The following TLN2 variants were observed in gnomAD, a reference collection of about 807,000 sequenced individuals.
TLN2 encodes talin-2.
TLN2 carries 118 observed loss-of-function variants against 294.7 expected under a neutral mutation model. The ratio of observed to expected loss-of-function variants is 0.40; its 90% CI spans 0.34 to 0.47. TLN2 has a LOEUF of 0.47. TLN2 is among the 20% of genes least tolerant of loss of function. The pLI is 0.84. For synonymous variants in TLN2, 1,431 were observed against 1,304.5 expected (o/e 1.10, Z -2.09); for missense variants, 3,083 against 3,282.2 (o/e 0.94, Z 1.48).
At chr15:62,663,056 C>A (rs1596554112) in intron 9 of TLN2, among the ~76,000 whole-genome samples, 1 of 152,142 alleles carries the variant, frequency 6.6e-6, no homozygotes, top group South Asian at 2.1e-4. Context: ...ATCTCCTGAT[C>A]CTCCTGCCTC....
At chr15:62,556,027 C>T (rs1020072461) in intron 1 of TLN2, among the ~76,000 whole-genome samples, 4 of 149,492 alleles carry the variant, frequency 2.7e-5, no homozygotes, top group East Asian at 2.0e-4. Flanking sequence ...GTTGACTTAA[C>T]GTTGACTTAG....
intron 1 of TLN2, among the ~76,000 whole-genome samples, chr15:62,546,008 C>T (rs2041974994): frequency 6.6e-6 from 1 of 152,074 alleles, no homozygotes; most frequent in African/African-American, 2.4e-5. Flanking sequence ...GCCAGAAATT[C>T]AGGACATGAG....
chr15:62,503,325 G>A (rs186166866), intron 1 of TLN2, among the ~76,000 whole-genome samples: 1 of 152,178 alleles, frequency 6.6e-6, no homozygotes, highest in Non-Finnish European at 1.5e-5. Flanking sequence ...AACTAACCAC[G>A]TGCAGATACC....
At chr15:62,544,209 TA>T (rs1328839025) in intron 1 of TLN2, among the ~76,000 whole-genome samples, 4 of 152,278 alleles carry the variant, frequency 2.6e-5, no homozygotes, top group South Asian at 2.1e-4. Context: ...CCAGACCTTT[TA>T]AAAAATATTG....
chr15:62,797,229 C>G lies in TLN2; in HGVS notation c.6061C>G (p.Leu2021Val), dbSNP rs1479149562. 1 of 1,614,126 alleles carries G rather than the reference C, an allele frequency of 6.2e-7. No homozygotes were observed. Among genetic ancestry groups the G allele is most frequent in the Admixed American group, 1.7e-5 (1 of 60,028 alleles). The change falls in exon 48 of 59, where the codon CTC (leucine) becomes GTC (valine). Residue 2021 changes from leucine to valine, a missense_variant. Physicochemically the swap from Leu to Val is conservative, Grantham distance 32. Coordinates refer to ENST00000636159, the MANE Select transcript of TLN2 (RefSeq NM_015059.3). ...ETFADHRENI[L>V]KTAKALVEDT... Reference sequence around the variant, plus strand: ...TCCTGGCTCTCTCAGGGAGAACATTCTCAAGACGGCCAAGGCCTTGGTAGA... The same window carrying G: ...TCCTGGCTCTCTCAGGGAGAACATTGTCAAGACGGCCAAGGCCTTGGTAGA...
rs76491082 is a variant in TLN2 at position 62,786,658 on chromosome 15, A to C, written c.5736+2768A>C. On this transcript the variant is annotated intron_variant, in intron 45 of 58. Coordinates refer to ENST00000636159, the MANE Select transcript of TLN2 (RefSeq NM_015059.3). Reference sequence around the variant, plus strand: ...ACTGGATGCCTTAAAAGCTGGCGCAATCATTTGTTAAGATGATTTGTGAGA... The same window carrying C: ...ACTGGATGCCTTAAAAGCTGGCGCACTCATTTGTTAAGATGATTTGTGAGA... 2.7e-3 allele frequency among the ~76,000 whole-genome samples: 400 copies of C among 147,328 alleles called. 6 individuals are homozygous for C. In the East Asian group the frequency reaches 0.041, roughly 15 times the overall value.
At chr15:62,633,791 A>G (rs2140895301) in intron 3 of TLN2, among the ~76,000 whole-genome samples, 1 of 152,338 alleles carries the variant, frequency 6.6e-6, no homozygotes, top group East Asian at 1.9e-4. Flanking sequence ...ACAAAATACC[A>G]CTAACTGGGT....
intron 1 of TLN2, among the ~76,000 whole-genome samples, chr15:62,569,239 A>G (rs2043665812): frequency 6.6e-6 from 1 of 152,104 alleles, no homozygotes; most frequent in Non-Finnish European, 1.5e-5. Context: ...TGCAAATATC[A>G]TTTTCCAAAA....
chr15:62,835,399 G>A (rs2069405078), intron 55 of TLN2: 2 of 324,088 alleles, frequency 6.2e-6, no homozygotes, highest in Admixed American at 9.0e-5. Flanking sequence ...CATATGAAAT[G>A]GAGAAAGCTC....
At chr15:62,770,669 A>G (rs915161083) in intron 41 of TLN2, among the ~76,000 whole-genome samples, 2 of 152,220 alleles carry the variant, frequency 1.3e-5, no homozygotes, top group Non-Finnish European at 2.9e-5. Flanking sequence ...GTTAATTTAT[A>G]GAAATTGACA....
chr15:62,623,920 C>T (rs956881318), intron 3 of TLN2, among the ~76,000 whole-genome samples: 6 of 152,296 alleles, frequency 3.9e-5, no homozygotes, highest in Middle Eastern at 3.4e-3. Context: ...GATGTCACAT[C>T]TGCCTTTAGT....
intron 1 of TLN2, among the ~76,000 whole-genome samples, chr15:62,552,871 G>A (rs1479979300): frequency 6.6e-6 from 1 of 152,198 alleles, no homozygotes; most frequent in East Asian, 1.9e-4. Context: ...CAGAGGTTCA[G>A]TATTTGCTAA....
At chr15:62,511,547 C>T (rs754825156) in intron 1 of TLN2, among the ~76,000 whole-genome samples, 1 of 152,192 alleles carries the variant, frequency 6.6e-6, no homozygotes, top group Non-Finnish European at 1.5e-5. Flanking sequence ...CCATGTTCAT[C>T]TTGCAGCTCC....
chr15:62,619,012 T>C (rs1248079320), intron 3 of TLN2, among the ~76,000 whole-genome samples: 1 of 152,254 alleles, frequency 6.6e-6, no homozygotes, highest in African/African-American at 2.4e-5. Context: ...CATTTCTGTC[T>C]GTGGCCTATA....
intron 1 of TLN2, among the ~76,000 whole-genome samples, chr15:62,403,575 C>T (rs2033180132): frequency 1.3e-5 from 2 of 152,190 alleles, no homozygotes; most frequent in Admixed American, 1.3e-4. Context: ...CCATGTGGTA[C>T]AATCCAGTGG....
At chr15:62,703,163 C>T (rs900534270) in intron 19 of TLN2, among the ~76,000 whole-genome samples, 4 of 150,476 alleles carry the variant, frequency 2.7e-5, no homozygotes, top group African/African-American at 7.4e-5. Flanking sequence ...AGTGCAGTGG[C>T]GTGATCTTGG....
At chr15:62,623,537 G>A (rs1422130271) in intron 3 of TLN2, among the ~76,000 whole-genome samples, 1 of 152,180 alleles carries the variant, frequency 6.6e-6, no homozygotes, top group African/African-American at 2.4e-5. Context: ...TTTATGGAAT[G>A]AGAATGCATC....
In TLN2 at chr15:62,675,333, A is replaced by G. The variant is rs2056047886; in HGVS notation, c.957+12A>G. Reference sequence around the variant, plus strand: ...TCTTCCTGGTGAAGGTGAGTTGGGCAGAATGGGGAGAGTGTTCACCTTGGC... The same window carrying G: ...TCTTCCTGGTGAAGGTGAGTTGGGCGGAATGGGGAGAGTGTTCACCTTGGC... On this transcript the variant is annotated intron_variant, in intron 11 of 58. Coordinates refer to ENST00000636159, the MANE Select transcript of TLN2 (RefSeq NM_015059.3). The G allele has an allele frequency of 5.0e-6, 8 of 1,613,356 alleles. No individual in the cohort carries two copies. In the East Asian group the frequency reaches 1.8e-4, roughly 36 times the overall value.
intron 9 of TLN2, among the ~76,000 whole-genome samples, chr15:62,664,653 G>T (rs916467676): frequency 6.6e-6 from 1 of 151,796 alleles, no homozygotes; most frequent in Non-Finnish European, 1.5e-5. Flanking sequence ...GAGGTTGGGA[G>T]TTCGAAACCA....
Sources: gnomAD v4.1 joint callset for allele counts (sites outside exome capture counted in the v4.1 genomes callset) on GRCh38, gnomAD v4.1.1 for gene constraint, MANE v1.5 for transcripts, NCBI Gene and HGNC (gene_info 2026-07-23, HGNC 2026-07-21) for gene names.